PEBP4: variants seen among roughly 807,000 people sequenced by gnomAD.
The protein encoded by PEBP4 is phosphatidylethanolamine-binding protein 4.
A neutral mutation model predicts 23.9 loss-of-function variants in PEBP4; 22 were observed. The observed-to-expected ratio is 0.92, with a 90% CI of 0.66 to 1.31. The LOEUF is 1.31. PEBP4 is among the 40% of genes most tolerant of loss of function. The pLI is 0.00. For synonymous variants in PEBP4, 112 were observed against 99.3 expected (o/e 1.13, Z -0.76); for missense variants, 324 against 281.7 (o/e 1.15, Z -1.07).
chr8:22,725,970 C>T (rs185838412), intron 5 of PEBP4, among the ~76,000 whole-genome samples: 209 of 151,164 alleles, frequency 1.4e-3, no homozygotes, highest in African/African-American at 4.8e-3. Flanking sequence ...TTCATCTTTC[C>T]CTGCATTTTT....
At chr8:22,913,882 C>A (rs1809004404) in intron 3 of PEBP4, among the ~76,000 whole-genome samples, 1 of 152,142 alleles carries the variant, frequency 6.6e-6, no homozygotes, top group Non-Finnish European at 1.5e-5. Flanking sequence ...ACAATCATAG[C>A]TCCTTAGCCT....
At chr8:22,730,349 T>C (rs113845978) in intron 4 of PEBP4, among the ~76,000 whole-genome samples, 1 of 152,302 alleles carries the variant, frequency 6.6e-6, no homozygotes, top group Non-Finnish European at 1.5e-5. Context: ...CCGAACAGTT[T>C]AGGCAACATA....
At chr8:22,911,069 C>A (rs979710358) in intron 3 of PEBP4, among the ~76,000 whole-genome samples, 1 of 152,086 alleles carries the variant, frequency 6.6e-6, no homozygotes, top group East Asian at 1.9e-4. Context: ...ATTCTCTGCA[C>A]CATCTGTTCA....
intron 3 of PEBP4, among the ~76,000 whole-genome samples, chr8:22,839,270 G>A (rs1303747006): frequency 6.6e-6 from 1 of 152,162 alleles, no homozygotes; most frequent in Non-Finnish European, 1.5e-5. Context: ...CAGTTGAGGT[G>A]GGTGGAGCCT....
intron 3 of PEBP4, among the ~76,000 whole-genome samples, chr8:22,823,658 G>A (rs955702034): frequency 6.6e-6 from 1 of 151,682 alleles, no homozygotes; most frequent in African/African-American, 2.4e-5. Flanking sequence ...TATCTAACTA[G>A]ATATAATTTT....
At position 22,804,710 on chromosome 8, in the gene PEBP4, TATGCTCC is replaced by T. The variant is rs1177018144; in HGVS notation, c.357+12920_357+12926del. On this transcript the variant is annotated intron_variant, in intron 4 of 6. Transcript: ENST00000256404. ...GAGAAGCCTTAAAAATAAGGATGCCTATGCTCCACCCCCAGAGATTCTGACTTAGCTG... is the reference window on the plus strand; with the variant it reads ...GAGAAGCCTTAAAAATAAGGATGCCTACCCCCAGAGATTCTGACTTAGCTG... 1.1e-4 allele frequency among the ~76,000 whole-genome samples: 17 copies of T among 152,278 alleles called. No homozygotes were observed. In the East Asian group the frequency reaches 2.9e-3, roughly 26 times the overall value.
intron 6 of PEBP4, among the ~76,000 whole-genome samples, chr8:22,722,023 G>C (rs569705622): frequency 6.6e-6 from 1 of 152,162 alleles, no homozygotes; most frequent in South Asian, 2.1e-4. Context: ...GGTCAGTTCT[G>C]CCTGCCCCTC....
intron 2 of PEBP4, among the ~76,000 whole-genome samples, chr8:22,926,133 G>C (rs1400441440): frequency 6.6e-6 from 1 of 151,810 alleles, no homozygotes; most frequent in Non-Finnish European, 1.5e-5. Context: ...GCGCCACCAT[G>C]CCCGGCTAAT....
intron 4 of PEBP4, among the ~76,000 whole-genome samples, chr8:22,785,131 G>C (rs527788893): frequency 1.3e-5 from 2 of 152,274 alleles, no homozygotes; most frequent in East Asian, 3.9e-4. Context: ...GGGACGACAG[G>C]GCAGCTCAGC....
chr8:22,868,090 G>A (rs1377698053), intron 3 of PEBP4, among the ~76,000 whole-genome samples: 1 of 152,206 alleles, frequency 6.6e-6, no homozygotes, highest in African/African-American at 2.4e-5. Flanking sequence ...CACTGCCCCA[G>A]ATGTTGGGGG....
chr8:22,782,162 G>A (rs754968295), intron 4 of PEBP4, among the ~76,000 whole-genome samples: 6 of 152,154 alleles, frequency 3.9e-5, no homozygotes, highest in Admixed American at 6.5e-5. Flanking sequence ...GAGGTCTCTC[G>A]GGCTGGGTGC....
At chr8:22,721,484 A>T (rs1804517531) in intron 6 of PEBP4, among the ~76,000 whole-genome samples, 1 of 152,064 alleles carries the variant, frequency 6.6e-6, no homozygotes, top group African/African-American at 2.4e-5. Context: ...GACAGGCTCT[A>T]CTAGAATCAT....
At chr8:22,934,308 TG>T (rs980997670) in intron 1 of PEBP4, among the ~76,000 whole-genome samples, 4 of 152,126 alleles carry the variant, frequency 2.6e-5, no homozygotes, top group African/African-American at 9.7e-5. Context: ...TAACACAAAA[TG>T]GGGGGCACGG....
chr8:22,906,356 C>T (rs1409502529), intron 3 of PEBP4, among the ~76,000 whole-genome samples: 2 of 152,342 alleles, frequency 1.3e-5, no homozygotes, highest in Middle Eastern at 3.4e-3. Flanking sequence ...CAAGTCAGTT[C>T]TGCAAGGGAT....
upstream of PEBP4, among the ~76,000 whole-genome samples, chr8:22,930,948 C>A (rs941681538): frequency 6.6e-6 from 1 of 152,192 alleles, no homozygotes; most frequent in Non-Finnish European, 1.5e-5. Context: ...CCAGACACCA[C>A]CATTCAAGCC....
At chr8:22,845,360 G>A (rs959172806) in intron 3 of PEBP4, among the ~76,000 whole-genome samples, 1 of 125,406 alleles carries the variant, frequency 8.0e-6, no homozygotes, top group Non-Finnish European at 1.7e-5. Flanking sequence ...ATACCAGGAC[G>A]CATCTCTACA....
intron 4 of PEBP4, among the ~76,000 whole-genome samples, chr8:22,760,416 A>G (rs887965953): frequency 3.3e-5 from 5 of 152,176 alleles, no homozygotes; most frequent in Non-Finnish European, 7.3e-5. Context: ...ACCATGACTT[A>G]TTTATCTTTG....
At chr8:22,851,289 T>C (rs936048509) in intron 3 of PEBP4, among the ~76,000 whole-genome samples, 6 of 152,096 alleles carry the variant, frequency 3.9e-5, no homozygotes, top group Non-Finnish European at 7.4e-5. Flanking sequence ...CTGGCTTGAG[T>C]TCCAGGCGCA....
chr8:22,940,469 C>A (rs1809595254), intron 1 of PEBP4, among the ~76,000 whole-genome samples: 1 of 149,770 alleles, frequency 6.7e-6, no homozygotes, highest in Non-Finnish European at 1.5e-5. Context: ...ATTGGAAACA[C>A]CACCTTTACC....
Sources: allele counts gnomAD v4.1 joint callset (sites outside exome capture counted in the v4.1 genomes callset), GRCh38; gene constraint gnomAD v4.1.1; transcripts MANE v1.5; gene names NCBI Gene and HGNC (gene_info 2026-07-23, HGNC 2026-07-21).